Variants in ANKS1B observed in about 807,000 individuals in gnomAD.
ANKS1B encodes the protein ankyrin repeat and sterile alpha motif domain containing 1B.
Under a neutral mutation model 148.3 loss-of-function variants are expected in ANKS1B, and 36 were observed. That is an observed-to-expected ratio of 0.24 (90% CI 0.19 to 0.32). The LOEUF (loss-of-function observed/expected upper bound fraction) is 0.32. Among genes scored for constraint, ANKS1B ranks in the 10% least tolerant of loss-of-function variants. The pLI, the probability that ANKS1B is intolerant of heterozygous loss-of-function variation, is 1.00. For missense variants in ANKS1B, 1,157 were observed against 1,542.6 expected (o/e 0.75, Z 4.19); for synonymous variants, 542 against 560.8 (o/e 0.97, Z 0.47).
At chr12:98,894,818 C>A (rs2099760722) in intron 17 of ANKS1B, 1 of 983,372 alleles carries the variant, frequency 1.0e-6, no homozygotes, top group South Asian at 4.7e-5. Context: ...GGGAGAGGCG[C>A]GGAGCTTGGC....
In ANKS1B at chr12:99,837,403, T is replaced by A. The variant is rs563447985; in HGVS notation, c.135-12014A>T. On this transcript the variant is annotated intron_variant, in intron 1 of 26. Transcript: ENST00000683438. ...GAAACTAATACAGGTGTGCTTATTG[T>A]AATTAACACACCCGAAATATGAGAC... Among the ~76,000 whole-genome samples, 10 of 152,266 alleles carry A rather than the reference T, an allele frequency of 6.6e-5. No homozygotes were observed. In the East Asian group the frequency reaches 1.7e-3, roughly 27 times the overall value.
At chr12:99,280,986 C>A (rs1013833095) in intron 12 of ANKS1B, among the ~76,000 whole-genome samples, 2 of 151,864 alleles carry the variant, frequency 1.3e-5, no homozygotes, top group Non-Finnish European at 2.9e-5. Context: ...TCTCTGGAGA[C>A]CCTTGACTAA....
intron 17 of ANKS1B, among the ~76,000 whole-genome samples, chr12:98,967,753 A>G (rs2099879725): frequency 8.6e-6 from 1 of 115,688 alleles, no homozygotes. Flanking sequence ...GACAAATCTA[A>G]AAAAAAAAAA....
At chr12:99,567,844 A>G (rs2097412776) in intron 9 of ANKS1B, among the ~76,000 whole-genome samples, 1 of 152,214 alleles carries the variant, frequency 6.6e-6, no homozygotes, top group Non-Finnish European at 1.5e-5. Context: ...GTAATCAGAT[A>G]AATCTCCTAG....
intron 2 of ANKS1B, among the ~76,000 whole-genome samples, chr12:99,814,434 T>C (rs1289855920): frequency 1.3e-5 from 2 of 151,750 alleles, no homozygotes; most frequent in East Asian, 3.9e-4. Flanking sequence ...GAAATGCTTA[T>C]AGAAAGTCAC....
chr12:99,168,574 G>C (rs1213879885), intron 14 of ANKS1B, among the ~76,000 whole-genome samples: 2 of 151,608 alleles, frequency 1.3e-5, no homozygotes, highest in South Asian at 2.1e-4. Flanking sequence ...AATACAGAAT[G>C]ATGAGGAGGG....
intron 4 of ANKS1B, among the ~76,000 whole-genome samples, chr12:99,784,359 A>G (rs1266864443): frequency 6.6e-6 from 1 of 151,856 alleles, no homozygotes; most frequent in Non-Finnish European, 1.5e-5. Flanking sequence ...TTTTTAGTAG[A>G]GATGGGGTTT....
intron 8 of ANKS1B, among the ~76,000 whole-genome samples, chr12:99,686,846 C>A (rs996344097): frequency 6.6e-6 from 1 of 152,008 alleles, no homozygotes; most frequent in Non-Finnish European, 1.5e-5. Context: ...TTTTACTGTA[C>A]ACAGAAGATT....
At chr12:99,873,706 T>C (rs1281924564) in intron 1 of ANKS1B, among the ~76,000 whole-genome samples, 1 of 152,200 alleles carries the variant, frequency 6.6e-6, no homozygotes, top group African/African-American at 2.4e-5. Context: ...TAGGCCACAG[T>C]ACCCAGATAT....
chr12:99,614,577 T>A (rs1323638014), intron 9 of ANKS1B, among the ~76,000 whole-genome samples: 3 of 151,832 alleles, frequency 2.0e-5, no homozygotes, highest in Non-Finnish European at 4.4e-5. Flanking sequence ...AAAAGAATTC[T>A]CAGTAGAGGA....
chr12:99,975,900 A>G (rs1042418603), intron 1 of ANKS1B, among the ~76,000 whole-genome samples: 2 of 152,210 alleles, frequency 1.3e-5, no homozygotes, highest in Non-Finnish European at 1.5e-5. Context: ...ACATGCATTC[A>G]TGTTCATTGC....
At chr12:99,644,198 C>G (rs1422034125) in intron 9 of ANKS1B, among the ~76,000 whole-genome samples, 1 of 152,182 alleles carries the variant, frequency 6.6e-6, no homozygotes. Flanking sequence ...TTCCTCTAGA[C>G]TATCTGCTAT....
chr12:98,911,025 T>C (rs1331389276), intron 17 of ANKS1B, among the ~76,000 whole-genome samples: 4 of 152,108 alleles, frequency 2.6e-5, no homozygotes, highest in African/African-American at 9.7e-5. Flanking sequence ...TGTCAACATA[T>C]GGAGAATTGA....
At position 98,798,925 on chromosome 12, in the gene ANKS1B, C is replaced by A; in HGVS notation, c.3342+9G>T. 2 of 1,608,676 alleles carry A rather than the reference C, an allele frequency of 1.2e-6. No individual in the cohort carries two copies. Among genetic ancestry groups the A allele is most frequent in the Non-Finnish European group, 1.7e-6 (2 of 1,177,564 alleles). On this transcript the variant is annotated intron_variant, in intron 22 of 26. Transcript: ENST00000683438. The stretch of plus-strand genomic sequence containing the variant: ...AGCTACTAGAAATAAAGTAGTTTGG[C>A]AGACTTACCCGCATTTTTGCACAAG...
rs528076072 is a variant in ANKS1B at position 99,646,381 on chromosome 12, G to A, written c.1272+8686C>T. Among the ~76,000 whole-genome samples the A allele has an allele frequency of 4.6e-5, 7 of 152,210 alleles. No homozygotes were observed. In the South Asian group the frequency reaches 1.5e-3, roughly 32 times the overall value. On this transcript the variant is annotated intron_variant, in intron 9 of 26. Transcript: ENST00000683438. ...ATGCAACTAAAGACTCAAGTGGGCTGGGCACGGTGGCTCACACCTGTAATC... is the reference window on the plus strand; with the variant it reads ...ATGCAACTAAAGACTCAAGTGGGCTAGGCACGGTGGCTCACACCTGTAATC...
chr12:98,965,718 G>A (rs1403979602), intron 17 of ANKS1B, among the ~76,000 whole-genome samples: 1 of 152,194 alleles, frequency 6.6e-6, no homozygotes, highest in African/African-American at 2.4e-5. Context: ...CAATGGAACA[G>A]AACAGAGCCC....
At chr12:99,709,331 T>C (rs2056298088) in intron 8 of ANKS1B, among the ~76,000 whole-genome samples, 3 of 152,160 alleles carry the variant, frequency 2.0e-5, no homozygotes, top group African/African-American at 7.2e-5. Context: ...CAATTTTAAT[T>C]CAAAAGACTC....
chr12:99,193,652 ACTT>A (rs2081019578), intron 14 of ANKS1B, among the ~76,000 whole-genome samples: 1 of 152,056 alleles, frequency 6.6e-6, no homozygotes, highest in Non-Finnish European at 1.5e-5. Context: ...AGGAAAAGAT[ACTT>A]CTTTTTCTTT....
chr12:99,919,793 A>AAAC (rs2094296951), intron 1 of ANKS1B, among the ~76,000 whole-genome samples: 1 of 151,844 alleles, frequency 6.6e-6, no homozygotes, highest in Non-Finnish European at 1.5e-5. Flanking sequence ...AAAAAAAAAA[A>AAAC]ACCTGGATTT....
Sources: allele counts gnomAD v4.1 joint callset (sites outside exome capture counted in the v4.1 genomes callset), GRCh38; gene constraint gnomAD v4.1.1; transcripts MANE v1.5; gene names NCBI Gene and HGNC (gene_info 2026-07-23, HGNC 2026-07-21).